PAG1: variants seen among roughly 807,000 people sequenced by gnomAD.
PAG1 encodes phosphoprotein associated with glycosphingolipid-enriched microdomains 1.
Under a neutral mutation model 31.7 loss-of-function variants are expected in PAG1, and 23 were observed. The observed-to-expected ratio is 0.73, with a 90% CI of 0.52 to 1.03. The LOEUF is 1.03. Ranked by LOEUF, PAG1 falls within the 50% of genes least tolerant of loss-of-function variation. PAG1 has a pLI of 0.00. For synonymous variants in PAG1, 214 were observed against 210.3 expected, an observed-to-expected ratio of 1.02 and a Z score of -0.15; for missense variants, 473 against 540.7, an observed-to-expected ratio of 0.87 and a Z score of 1.24.
chr8:81,055,061 ATTTCTTTTTT>A (rs1258566537), intron 2 of PAG1, among the ~76,000 whole-genome samples: 15 of 149,686 alleles, frequency 1.0e-4, no homozygotes, highest in Admixed American at 3.3e-4. Flanking sequence ...CACTGAATTA[ATTTCTTTTTT>A]TTTCTTTTTT....
At chr8:80,986,812 G>A (rs182534773) in intron 6 of PAG1, among the ~76,000 whole-genome samples, 1 of 140,660 alleles carries the variant, frequency 7.1e-6, no homozygotes, top group East Asian at 2.4e-4. Flanking sequence ...ATAGGGAGGG[G>A]GGAGGGTCAG....
chr8:81,080,112 A>C (rs1391499535), intron 1 of PAG1, among the ~76,000 whole-genome samples: 1 of 152,156 alleles, frequency 6.6e-6, no homozygotes, highest in Non-Finnish European at 1.5e-5. Flanking sequence ...CCGCAAAACT[A>C]CTAGAAAGTC....
rs78160563 is a variant in PAG1 at position 81,007,201 on chromosome 8, T to C, written c.-80-13894A>G. Among the ~76,000 whole-genome samples, 18 of 152,204 alleles carry C rather than the reference T, an allele frequency of 1.2e-4. No individual in the cohort carries two copies. In the East Asian group the frequency reaches 3.3e-3, roughly 28 times the overall value. ...ACAGGCATATATTAGAGACATGTTG[T>C]GGGAAGTGCGGGAAAAAGGTGCCAA... On this transcript the variant is annotated intron_variant, in intron 3 of 8. Transcript: ENST00000220597.
At chr8:81,094,345 CT>C (rs1319244165) in intron 1 of PAG1, among the ~76,000 whole-genome samples, 1 of 152,154 alleles carries the variant, frequency 6.6e-6, no homozygotes, top group Non-Finnish European at 1.5e-5. Flanking sequence ...TTCAAGCCAG[CT>C]TTTAAGCAAG....
intron 1 of PAG1, among the ~76,000 whole-genome samples, chr8:81,076,680 A>G (rs998544438): frequency 5.3e-5 from 8 of 152,310 alleles, no homozygotes; most frequent in African/African-American, 1.9e-4. Flanking sequence ...GGTTTCTCAG[A>G]TTTTGAAAGG....
intron 6 of PAG1, 70 bp from the exon 7 acceptor site, chr8:80,985,447 A>C (rs1807399296): frequency 6.7e-7 from 1 of 1,485,800 alleles, no homozygotes; most frequent in Non-Finnish European, 9.0e-7. Context: ...GAATCAGGTA[A>C]TATAAAGTTA....
At chr8:81,085,844 G>A (rs1205871586) in intron 1 of PAG1, among the ~76,000 whole-genome samples, 1 of 152,034 alleles carries the variant, frequency 6.6e-6, no homozygotes, top group Non-Finnish European at 1.5e-5. Flanking sequence ...TACACTGTCA[G>A]TATTTGAAGT....
intron 1 of PAG1, among the ~76,000 whole-genome samples, chr8:81,091,161 T>C (rs907116868): frequency 2.0e-5 from 3 of 152,180 alleles, no homozygotes; most frequent in African/African-American, 7.2e-5. Context: ...TCCTGTTTTA[T>C]TGGCCTCCTC....
intron 3 of PAG1, among the ~76,000 whole-genome samples, chr8:81,020,542 T>C (rs1214892516): frequency 6.6e-6 from 1 of 152,186 alleles, no homozygotes. Flanking sequence ...CCTGCCGCCA[T>C]GTAAGACGTG....
chr8:81,081,635 G>T (rs765380573), intron 1 of PAG1, among the ~76,000 whole-genome samples: 1 of 151,996 alleles, frequency 6.6e-6, no homozygotes, highest in Non-Finnish European at 1.5e-5. Flanking sequence ...CTATTTGTAC[G>T]ACTTTATCAT....
chr8:81,029,000 T>C (rs1239435545), intron 3 of PAG1, among the ~76,000 whole-genome samples: 1 of 152,180 alleles, frequency 6.6e-6, no homozygotes, highest in Non-Finnish European at 1.5e-5. Context: ...TCATATTAAC[T>C]TCTAAACAGA....
intron 4 of PAG1, among the ~76,000 whole-genome samples, chr8:80,992,867 A>G (rs189728553): frequency 1.3e-5 from 2 of 152,330 alleles, no homozygotes; most frequent in Admixed American, 6.5e-5. Context: ...GGGAAGTTTA[A>G]AATATAAGGG....
At chr8:81,070,956 C>T (rs1013893256) in intron 1 of PAG1, among the ~76,000 whole-genome samples, 4 of 152,110 alleles carry the variant, frequency 2.6e-5, no homozygotes, top group Admixed American at 2.0e-4. Context: ...AACCTGATAA[C>T]GAGACTGAAT....
intron 1 of PAG1, among the ~76,000 whole-genome samples, chr8:81,080,928 G>T (rs1809255361): frequency 6.6e-6 from 1 of 152,076 alleles, no homozygotes; most frequent in Non-Finnish European, 1.5e-5. Flanking sequence ...TGAGGTGAGT[G>T]TCCTGCTGCG....
At chr8:81,019,746 T>C (rs1194015786) in intron 3 of PAG1, among the ~76,000 whole-genome samples, 4 of 151,794 alleles carry the variant, frequency 2.6e-5, no homozygotes, top group African/African-American at 7.3e-5. Flanking sequence ...AAATGTGGAG[T>C]TGATACCCCT....
chr8:81,017,474 C>T (rs2130712318), intron 3 of PAG1, among the ~76,000 whole-genome samples: 1 of 152,230 alleles, frequency 6.6e-6, no homozygotes, highest in South Asian at 2.1e-4. Context: ...AAGCAAACAC[C>T]ATGCGTTGAC....
At chr8:80,989,307 G>A (rs1183701259) in intron 5 of PAG1, among the ~76,000 whole-genome samples, 1 of 152,200 alleles carries the variant, frequency 6.6e-6, no homozygotes, top group Non-Finnish European at 1.5e-5. Flanking sequence ...GCAGGCATGG[G>A]TGTGGGGAAG....
At chr8:81,087,092 C>T (rs938990710) in intron 1 of PAG1, among the ~76,000 whole-genome samples, 4 of 152,126 alleles carry the variant, frequency 2.6e-5, no homozygotes, top group African/African-American at 7.2e-5. Context: ...TGCCGGTAAT[C>T]CCAGCACTTT....
At chr8:81,006,146 T>C (rs1807873669) in intron 3 of PAG1, among the ~76,000 whole-genome samples, 1 of 151,732 alleles carries the variant, frequency 6.6e-6, no homozygotes, top group Non-Finnish European at 1.5e-5. Flanking sequence ...TTTCATCATG[T>C]TGGCCAGGCT....
Sources: allele counts gnomAD v4.1 joint callset (sites outside exome capture counted in the v4.1 genomes callset), GRCh38; gene constraint gnomAD v4.1.1; transcripts MANE v1.5; gene names NCBI Gene and HGNC (gene_info 2026-07-23, HGNC 2026-07-21).